The following SEMA5A variants were observed in gnomAD, a reference collection of about 807,000 sequenced individuals.
The protein encoded by SEMA5A is semaphorin 5A, also known as semaphorin-5A.
In SEMA5A, 55 loss-of-function variants were observed where a neutral mutation model predicts 135.5. The observed-to-expected ratio is 0.41, with a 90% CI of 0.33 to 0.51. The LOEUF (loss-of-function observed/expected upper bound fraction) is 0.51. Ranked by LOEUF, SEMA5A falls within the 20% of genes least tolerant of loss-of-function variation. The probability of loss-of-function intolerance (pLI) is 0.37; values close to 1 mark genes in which losing one functional copy is unlikely to be tolerated. For missense variants in SEMA5A, 1,290 were observed against 1,419.9 expected, an observed-to-expected ratio of 0.91 and a Z score of 1.47; for synonymous variants, 580 against 546.5, an observed-to-expected ratio of 1.06 and a Z score of -0.85.
intron 5 of SEMA5A, among the ~76,000 whole-genome samples, chr5:9,311,159 C>T (rs1752112584): frequency 6.6e-6 from 1 of 151,618 alleles, no homozygotes; most frequent in Non-Finnish European, 1.5e-5. Flanking sequence ...GGGGGTCCTG[C>T]TCTGTGCATT....
intron 3 of SEMA5A, among the ~76,000 whole-genome samples, chr5:9,368,654 T>C (rs1011519146): frequency 1.3e-5 from 2 of 152,206 alleles, no homozygotes; most frequent in Non-Finnish European, 2.9e-5. Flanking sequence ...AATGAATACA[T>C]ATTCTTTTGT....
Position 9,128,326 on chromosome 5 carries a change from G to C in SEMA5A, c.1600-5489C>G, listed in dbSNP as rs556124676. On this transcript the variant is annotated intron_variant, in intron 13 of 22. Transcript: ENST00000382496. ...GGTCTAGAAACCGACATGTGACCCA[G>C]TTCTGGCCAATGAGACTCAAGAGGA... is the stretch of plus-strand genomic sequence containing the variant. Among the ~76,000 whole-genome samples the C allele has an allele frequency of 7.2e-5, 11 of 152,320 alleles. No homozygotes were observed. In the South Asian group the frequency reaches 2.1e-3, roughly 29 times the overall value.
chr5:9,225,710 C>CT (rs796464053), intron 7 of SEMA5A, among the ~76,000 whole-genome samples: 7 of 151,872 alleles, frequency 4.6e-5, no homozygotes, highest in East Asian at 1.9e-4. Context: ...CACTTTCTTT[C>CT]TTTTTTTTCA....
intron 3 of SEMA5A, among the ~76,000 whole-genome samples, chr5:9,346,831 G>A (rs1448773493): frequency 1.3e-5 from 2 of 152,010 alleles, no homozygotes; most frequent in Non-Finnish European, 2.9e-5. Context: ...GGAAATATCT[G>A]GCTTCATACA....
At chr5:9,201,166 T>C (rs996524529) in intron 9 of SEMA5A, among the ~76,000 whole-genome samples, 5 of 152,188 alleles carry the variant, frequency 3.3e-5, no homozygotes, top group African/African-American at 1.2e-4. Context: ...TGTAGGAAAG[T>C]GATGCTCAGA....
At chr5:9,418,407 G>C (rs1256484115) in intron 2 of SEMA5A, among the ~76,000 whole-genome samples, 1 of 152,092 alleles carries the variant, frequency 6.6e-6, no homozygotes, top group Non-Finnish European at 1.5e-5. Context: ...CATTTTGAGG[G>C]GACACAAACA....
intron 1 of SEMA5A, among the ~76,000 whole-genome samples, chr5:9,535,032 G>C (rs1334089977): frequency 6.6e-6 from 1 of 152,142 alleles, no homozygotes; most frequent in African/African-American, 2.4e-5. Flanking sequence ...CTGCAAAGTC[G>C]GGTCAGGGCT....
At chr5:9,456,542 G>A (rs1758842697) in intron 1 of SEMA5A, among the ~76,000 whole-genome samples, 1 of 152,154 alleles carries the variant, frequency 6.6e-6, no homozygotes, top group South Asian at 2.1e-4. Flanking sequence ...GATTTTAGGA[G>A]CTAACAAAAA....
At chr5:9,183,956 G>T (rs879919047) in intron 11 of SEMA5A, among the ~76,000 whole-genome samples, 2 of 152,106 alleles carry the variant, frequency 1.3e-5, no homozygotes, top group Non-Finnish European at 2.9e-5. Flanking sequence ...TGTATATATT[G>T]TTCTACTTGA....
At chr5:9,340,348 C>G (rs1753592323) in intron 3 of SEMA5A, among the ~76,000 whole-genome samples, 1 of 152,174 alleles carries the variant, frequency 6.6e-6, no homozygotes, top group South Asian at 2.1e-4. Flanking sequence ...AACAGAGGGC[C>G]AAGGGCTGAC....
chr5:9,271,860 A>G (rs943817580), intron 5 of SEMA5A, among the ~76,000 whole-genome samples: 16 of 152,198 alleles, frequency 1.1e-4, no homozygotes, highest in African/African-American at 3.9e-4. Context: ...CACGCTCTTC[A>G]CAACCCACAG....
intron 1 of SEMA5A, chr5:9,522,907 T>C (rs462517): frequency 0.82 from 125,466 of 152,126 alleles, 51,985 homozygotes; most frequent in Middle Eastern, 0.88. Flanking sequence ...CTCTTCATAA[T>C]GTTATTAAAC....
At chr5:9,144,057 A>G (rs192467532) in intron 12 of SEMA5A, among the ~76,000 whole-genome samples, 11 of 152,318 alleles carry the variant, frequency 7.2e-5, no homozygotes, top group Admixed American at 2.6e-4. Flanking sequence ...AGCTGTGTCT[A>G]TGTGCTCAGG....
rs1411451751 is a variant in SEMA5A, at chr5:9,381,981, T to TGTGTGTGC, written c.-77-1959_-77-1958insGCACACAC. 5.8e-3 allele frequency among the ~76,000 whole-genome samples: 575 copies of TGTGTGTGC among 99,900 alleles called. 5 individuals are homozygous for TGTGTGTGC. Among genetic ancestry groups the TGTGTGTGC allele is most frequent in the Middle Eastern group, 0.011 (2 of 176 alleles). The allele number at this position is 99,900 out of a possible 152,430, so 65.5% of individuals were successfully genotyped here. On this transcript the variant is annotated intron_variant, in intron 2 of 22. Coordinates refer to ENST00000382496, the MANE Select transcript of SEMA5A (RefSeq NM_003966.3). ...GTGTGTGTGTGTGTGTGTGTGTGTG[T>TGTGTGTGC]GCGCGCGCGCGCACATCAAGTTTCA...
At chr5:9,114,458 G>GT (rs67888620) in intron 15 of SEMA5A, among the ~76,000 whole-genome samples, 17 of 151,784 alleles carry the variant, frequency 1.1e-4, no homozygotes, top group East Asian at 1.9e-4. Flanking sequence ...GCAAATTTAT[G>GT]TTTTTTTTGT....
chr5:9,336,838 G>A (rs1753413591), intron 4 of SEMA5A, among the ~76,000 whole-genome samples: 1 of 152,140 alleles, frequency 6.6e-6, no homozygotes, highest in African/African-American at 2.4e-5. Context: ...TGGCAGGCAT[G>A]CTTTATACTC....
intron 16 of SEMA5A, among the ~76,000 whole-genome samples, chr5:9,076,944 TTA>T (rs1256268157): frequency 6.6e-6 from 1 of 151,708 alleles, no homozygotes; most frequent in Non-Finnish European, 1.5e-5. Context: ...TTAAAATCAC[TTA>T]TGTCTCTTCT....
intron 1 of SEMA5A, among the ~76,000 whole-genome samples, chr5:9,483,826 T>C (rs969106840): frequency 2.0e-5 from 3 of 152,076 alleles, no homozygotes; most frequent in African/African-American, 7.2e-5. Flanking sequence ...CGCAAAGCCT[T>C]GGGGGGAGGA....
rs569845235 is a variant in SEMA5A, at chr5:9,384,974, G to T, written c.-77-4951C>A. On this transcript the variant is annotated intron_variant, in intron 2 of 22. Transcript: ENST00000382496. ...ATGAAGGAATTTTCAAAGGATCAAA[G>T]TTCTATCATCATTCAACCAACTCTA... 5.9e-5 allele frequency among the ~76,000 whole-genome samples: 9 copies of T among 152,208 alleles called. No homozygotes were observed. The East Asian group carries it at 1.7e-3, about 29-fold the overall frequency.
Sources: allele counts gnomAD v4.1 joint callset (sites outside exome capture counted in the v4.1 genomes callset), GRCh38; gene constraint gnomAD v4.1.1; transcripts MANE v1.5; gene names NCBI Gene and HGNC (gene_info 2026-07-23, HGNC 2026-07-21).